Variants in SMARCA2 observed in about 807,000 individuals in gnomAD.
SMARCA2 encodes SWI/SNF-related matrix-associated actin-dependent regulator of chromatin subfamily A member 2.
In SMARCA2, 61 loss-of-function variants were observed where a neutral mutation model predicts 199.8. That is an observed-to-expected ratio of 0.31 (90% CI 0.25 to 0.38). The LOEUF (loss-of-function observed/expected upper bound fraction) is 0.38. SMARCA2 is among the 10% of genes least tolerant of loss of function. SMARCA2 has a pLI of 1.00. For synonymous variants in SMARCA2, 935 were observed against 732.0 expected (o/e 1.28, Z -4.48); for missense variants, 1,344 against 2,012.2 (o/e 0.67, Z 6.35).
chr9:2,087,226 G>A, intron 18 of SMARCA2, 155 bp downstream of exon 18: 1 of 875,404 alleles, frequency 1.1e-6, no homozygotes. Context: ...TGGTCTTGTG[G>A]TGGGGTTATT....
chr9:2,093,605 T>C (rs1048922027), intron 19 of SMARCA2, among the ~76,000 whole-genome samples: 1 of 152,188 alleles, frequency 6.6e-6, no homozygotes, highest in Admixed American at 6.5e-5. Context: ...TGATTTTAAC[T>C]AAACTAACAA....
At chr9:2,048,640 C>T (rs935526947) in intron 5 of SMARCA2, among the ~76,000 whole-genome samples, 1 of 152,092 alleles carries the variant, frequency 6.6e-6, no homozygotes, top group Admixed American at 6.5e-5. Context: ...TGAAAGAAAT[C>T]AGAATAACTT....
chr9:2,058,404 T>A lies in SMARCA2; in HGVS notation c.1461T>A (p.Thr487=). 1 of 1,613,936 alleles carries A rather than the reference T, an allele frequency of 6.2e-7. No individual in the cohort carries two copies. Among genetic ancestry groups the A allele is most frequent in the East Asian group, 2.2e-5 (1 of 44,876 alleles). The change falls in exon 8 of 34, where the codon ACT becomes ACA. Residue 487 remains threonine, a synonymous_variant. Transcript: ENST00000349721. ...SKAVATWHAN[T]EREQKKETER... is the part of the protein sequence containing the mutation. ...CAGTGGCAACTTGGCATGCCAACAC[T>A]GAAAGAGAGCAGAAGAAGGAGACAG...
intron 9 of SMARCA2, among the ~76,000 whole-genome samples, chr9:2,063,850 A>G (rs1820708653): frequency 1.3e-5 from 2 of 151,764 alleles, no homozygotes; most frequent in East Asian, 3.9e-4. Flanking sequence ...TTAACATGTT[A>G]TGACCTTGTT....
chr9:2,175,493 A>G (rs888179070), intron 29 of SMARCA2, among the ~76,000 whole-genome samples: 4 of 152,134 alleles, frequency 2.6e-5, no homozygotes, highest in Non-Finnish European at 5.9e-5. Context: ...GTATTCTTTT[A>G]TTTGTTTGGC....
rs1229698034 is a variant in SMARCA2 at position 2,119,054 on chromosome 9, G to T, written c.3685-404G>T. Among the ~76,000 whole-genome samples the T allele has an allele frequency of 6.6e-6, 1 of 152,116 alleles. No homozygotes were observed. The highest frequency in any genetic ancestry group is 1.5e-5 in the Non-Finnish European group (1 of 68,026). ...CATTTATATTTGGCATAAGGTAAAT[G>T]GAATTAAAAGAATTAATGTTAGGTA... On this transcript the variant is annotated intron_variant, in intron 25 of 33. Transcript: ENST00000349721. The surrounding 1 kb of genome is among the most constrained non-coding windows in gnomAD (Gnocchi z 4.6).
At chr9:2,047,730 G>T in intron 5 of SMARCA2, 1 of 290,258 alleles carries the variant, frequency 3.4e-6, no homozygotes, top group Non-Finnish European at 6.2e-6. Flanking sequence ...TGCGACTGTG[G>T]AATACACTGT....
intron 27 of SMARCA2, chr9:2,158,947 C>T: frequency 6.2e-7 from 1 of 1,611,818 alleles, no homozygotes; most frequent in Non-Finnish European, 8.5e-7. Flanking sequence ...CTCTGCATTC[C>T]TGCATAAAAC....
intron 19 of SMARCA2, 89 bp downstream of exon 19, chr9:2,088,702 C>T: frequency 3.4e-6 from 3 of 874,552 alleles, no homozygotes; most frequent in South Asian, 1.5e-5. Flanking sequence ...GTTTCTGAAA[C>T]AGCAGACTCA....
intron 29 of SMARCA2, among the ~76,000 whole-genome samples, chr9:2,173,811 C>T (rs1190315996): frequency 1.1e-4 from 17 of 152,170 alleles, no homozygotes; most frequent in Non-Finnish European, 1.3e-4. Flanking sequence ...GACCAAAGAA[C>T]CCCCTTTTCA....
intron 30 of SMARCA2, 128 bp from the exon 31 acceptor site, chr9:2,182,013 G>A (rs563444561): frequency 1.5e-5 from 11 of 751,016 alleles, no homozygotes; most frequent in Non-Finnish European, 2.6e-5. Context: ...GGGTTATGCA[G>A]TCCCAGATCC....
At chr9:2,155,681 C>T (rs1344763908) in intron 27 of SMARCA2, among the ~76,000 whole-genome samples, 1 of 145,748 alleles carries the variant, frequency 6.9e-6, no homozygotes, top group Non-Finnish European at 1.5e-5. Context: ...CTTCGTCACC[C>T]ACCTCCATGT....
chr9:2,175,877 TG>T (rs1288998279), intron 29 of SMARCA2, among the ~76,000 whole-genome samples: 10 of 151,930 alleles, frequency 6.6e-5, no homozygotes, highest in African/African-American at 2.4e-4. Flanking sequence ...GGGTTTTTTT[TG>T]TTTGTTTGTT....
Position 2,119,450 on chromosome 9 carries a change from A to C in SMARCA2, c.3685-8A>C. 1 of 1,605,356 alleles carries C rather than the reference A, an allele frequency of 6.2e-7. No homozygotes were observed. The highest frequency in any genetic ancestry group is 8.5e-7 in the Non-Finnish European group (1 of 1,172,042). Reference sequence around the variant, plus strand: ...CACTGGTTAAAATCACTCTGTTTTTAACCCCAGGAAGAAGATGAAGTACCG... The same window carrying C: ...CACTGGTTAAAATCACTCTGTTTTTCACCCCAGGAAGAAGATGAAGTACCG... On this transcript the variant is annotated splice_region_variant and splice_polypyrimidine_tract_variant and intron_variant, in intron 25 of 33. Coordinates refer to ENST00000349721, the MANE Select transcript of SMARCA2 (RefSeq NM_003070.5). The surrounding 1 kb of genome is among the most constrained non-coding windows in gnomAD (Gnocchi z 4.6).
intron 10 of SMARCA2, among the ~76,000 whole-genome samples, chr9:2,071,616 CT>C (rs1821092091): frequency 6.6e-6 from 1 of 152,156 alleles, no homozygotes; most frequent in Non-Finnish European, 1.5e-5. Flanking sequence ...CACACGTGTC[CT>C]GTTTGCTAAG....
intron 8 of SMARCA2, 86 bp downstream of exon 8, chr9:2,058,550 G>T: frequency 8.9e-7 from 1 of 1,128,888 alleles, no homozygotes; most frequent in Non-Finnish European, 1.3e-6. Context: ...GTAGTAGAAG[G>T]AAAAAATGAA....
At position 2,123,549 on chromosome 9, in the gene SMARCA2, A is replaced by AATCTC. The variant is rs770098193; in HGVS notation, c.3763-169_3763-165dup. On this transcript the variant is annotated intron_variant, in intron 26 of 33. Transcript: ENST00000349721. The surrounding 1 kb of genome is among the most constrained non-coding windows in gnomAD (Gnocchi z 4.1). Reference sequence around the variant, plus strand: ...AAAGGGAGGGGATTTTACTTAATGGAATCTCTCCCTAGATATTTAGGGATG... The same window carrying AATCTC: ...AAAGGGAGGGGATTTTACTTAATGGAATCTCATCTCTCCCTAGATATTTAGGGATG... Among the ~76,000 whole-genome samples the AATCTC allele has an allele frequency of 2.6e-5, 4 of 152,166 alleles. No individual in the cohort carries two copies. The highest frequency in any genetic ancestry group is 5.9e-5 in the Non-Finnish European group (4 of 68,032).
chr9:2,082,606 G>C (rs1220170281), intron 15 of SMARCA2, among the ~76,000 whole-genome samples: 1 of 152,148 alleles, frequency 6.6e-6, no homozygotes, highest in Admixed American at 6.5e-5. Context: ...CCGAGTGAGG[G>C]CACAGTGATT....
chr9:2,181,437 C>G, intron 29 of SMARCA2, 134 bp from the exon 30 acceptor site: 1 of 613,342 alleles, frequency 1.6e-6, no homozygotes, highest in Non-Finnish European at 3.0e-6. Context: ...TGGGATTTTT[C>G]CTGACTTAAA....
Sources: allele counts gnomAD v4.1 joint callset (sites outside exome capture counted in the v4.1 genomes callset), GRCh38; gene constraint gnomAD v4.1.1; non-coding constraint Gnocchi (gnomAD v3.1); transcripts MANE v1.5; gene names NCBI Gene and HGNC (gene_info 2026-07-23, HGNC 2026-07-21).